The following HMG20B variants were observed in gnomAD, a reference collection of about 807,000 sequenced individuals.
HMG20B encodes SWI/SNF-related matrix-associated actin-dependent regulator of chromatin subfamily E member 1-related.
HMG20B carries 24 observed loss-of-function variants against 41.6 expected under a neutral mutation model. The observed-to-expected ratio is 0.58, with a 90% CI of 0.42 to 0.81. The LOEUF is 0.81. HMG20B is among the 30% of genes least tolerant of loss of function. The pLI, the probability that HMG20B is intolerant of heterozygous loss-of-function variation, is 0.00. For synonymous variants in HMG20B, 251 were observed against 186.6 expected, an observed-to-expected ratio of 1.34 and a Z score of -2.81; for missense variants, 461 against 444.0, an observed-to-expected ratio of 1.04 and a Z score of -0.34.
At chr19:3,573,135 G>A in intron 1 of HMG20B, 141 bp downstream of exon 1, 1 of 560,416 alleles carries the variant, frequency 1.8e-6, no homozygotes, top group Non-Finnish European at 3.0e-6. Context: ...AGGATTCTTG[G>A]GGCGCCCGCC....
At position 3,573,346 on chromosome 19, in the gene HMG20B, G is replaced by C. The variant is rs2032082550; in HGVS notation, c.37G>C (p.Ala13Pro). ...HGPKQPGAAAAPAGGKAPGQH... is the reference protein window; with the variant it reads ...HGPKQPGAAAPPAGGKAPGQH... The stretch of plus-strand genomic sequence containing the variant: ...CCCCAAGCAGCCCGGCGCGGCCGCC[G>C]CGTGAGTGCACTGATCCCCTCCCCA... The change falls in exon 2 of 10, where the codon GCG becomes CCG. Residue 13 changes from alanine (A) to proline (P), a missense_variant and splice_region_variant. Coordinates refer to ENST00000333651, the MANE Select transcript of HMG20B (RefSeq NM_006339.3). The C allele has an allele frequency of 6.5e-7, 1 of 1,536,658 alleles. No homozygotes were observed. Among genetic ancestry groups the C allele is most frequent in the Non-Finnish European group, 8.7e-7 (1 of 1,143,896 alleles).
intron 5 of HMG20B, 60 bp downstream of exon 5, chr19:3,575,720 G>A: frequency 6.8e-7 from 1 of 1,467,056 alleles, no homozygotes; most frequent in Non-Finnish European, 9.3e-7. Flanking sequence ...GGAGGCCGAG[G>A]CGGGTGTATC....
intron 6 of HMG20B, 80 bp from the exon 7 acceptor site, chr19:3,576,473 C>T: frequency 2.1e-6 from 3 of 1,400,558 alleles, no homozygotes; most frequent in Non-Finnish European, 2.0e-6. Flanking sequence ...CCCAGGAGAC[C>T]CTCCTAGGCT....
At position 3,575,668 on chromosome 19, in the gene HMG20B, G is replaced by T; in HGVS notation, c.472+8G>T. 1 of 1,549,374 alleles carries T rather than the reference G, an allele frequency of 6.5e-7. No homozygotes were observed. The highest frequency in any genetic ancestry group is 8.7e-7 in the Non-Finnish European group (1 of 1,146,458). The stretch of plus-strand genomic sequence containing the variant: ...AGAAGAAGATCAAGAAAGGTGGGAG[G>T]GGTCGGGCGCGGTGGCTCACGCCTG... On this transcript the variant is annotated splice_region_variant and intron_variant, in intron 5 of 9. Coordinates refer to ENST00000333651, the MANE Select transcript of HMG20B (RefSeq NM_006339.3).
intron 5 of HMG20B, 194 bp downstream of exon 5, chr19:3,575,854 G>C: frequency 1.9e-6 from 1 of 513,212 alleles, no homozygotes; most frequent in Admixed American, 3.2e-5. Flanking sequence ...TGAGGCAGGA[G>C]AATTGCTTGA....
chr19:3,578,298 G>C, intron 9 of HMG20B, 185 bp downstream of exon 9: 1 of 1,134,972 alleles, frequency 8.8e-7, no homozygotes, highest in Non-Finnish European at 1.2e-6. Context: ...GAGAACCCCG[G>C]GCCGGCGGGA....
chr19:3,574,812 G>A (rs1039062591), intron 4 of HMG20B, among the ~76,000 whole-genome samples: 1 of 150,998 alleles, frequency 6.6e-6, no homozygotes, highest in African/African-American at 2.4e-5. Context: ...TCCGCCTCCC[G>A]GCTTCAAGCA....
At chr19:3,578,215 G>A in intron 9 of HMG20B, 102 bp downstream of exon 9, 1 of 1,473,168 alleles carries the variant, frequency 6.8e-7, no homozygotes, top group Non-Finnish European at 9.2e-7. Flanking sequence ...GGACTCCGCA[G>A]CTTACTAGAG....
intron 9 of HMG20B, 159 bp from the exon 10 acceptor site, chr19:3,578,350 T>C: frequency 1.7e-6 from 2 of 1,209,034 alleles, no homozygotes; most frequent in South Asian, 3.2e-5. Flanking sequence ...CTTCTCAGGG[T>C]GGATCCCAGC....
At chr19:3,576,852 A>C in intron 7 of HMG20B, 40 bp from the exon 8 acceptor site, 1 of 1,545,106 alleles carries the variant, frequency 6.5e-7, no homozygotes, top group Non-Finnish European at 8.7e-7. Context: ...GGTAGGGGAA[A>C]GGGGAGGCGC....
At position 3,578,817 on chromosome 19, in the gene HMG20B, C is replaced by G. The variant is rs2032232546; in HGVS notation, c.*296C>G. On this transcript the variant is annotated 3_prime_UTR_variant, in exon 10 of 10. Transcript: ENST00000333651. ...CTACACTGGCTCTCCGGGCCACCCC[C>G]AGGACACAGGGCAGACGAAACCCAC... 1.4e-6 allele frequency: 1 copy of G among 696,230 alleles called. No homozygotes were observed. The highest frequency in any genetic ancestry group is 2.6e-6 in the Non-Finnish European group (1 of 378,792). The allele number at this position is 696,230 out of a possible 1,614,324, so 43.1% of individuals were successfully genotyped here.
chr19:3,578,379 C>A, intron 9 of HMG20B, 130 bp from the exon 10 acceptor site: 1 of 1,335,648 alleles, frequency 7.5e-7, no homozygotes, highest in South Asian at 1.5e-5. Context: ...TAGATAGGTT[C>A]AACGCCTGTC....
At chr19:3,576,489 C>T in intron 6 of HMG20B, 64 bp from the exon 7 acceptor site, 1 of 1,482,134 alleles carries the variant, frequency 6.7e-7, no homozygotes, top group Non-Finnish European at 9.4e-7. Flanking sequence ...AGGCTTGGGG[C>T]ACACCCAGAG....
At chr19:3,576,800 A>G (rs1003188918) in intron 7 of HMG20B, 92 bp from the exon 8 acceptor site, 4 of 1,423,562 alleles carry the variant, frequency 2.8e-6, no homozygotes, top group Non-Finnish European at 3.9e-6. Flanking sequence ...GGGCGCAGTG[A>G]GGGAAACCTG....
chr19:3,578,301 C>A, intron 9 of HMG20B, 188 bp downstream of exon 9: 1 of 1,122,116 alleles, frequency 8.9e-7, no homozygotes, highest in Non-Finnish European at 1.2e-6. Context: ...AACCCCGGGC[C>A]GGCGGGACCC....
rs1238511475 is a variant in HMG20B, at chr19:3,573,818, G to A, written c.147+18G>A. 1 of 1,585,444 alleles carries A rather than the reference G, an allele frequency of 6.3e-7. No individual in the cohort carries two copies. The highest frequency in any genetic ancestry group is 1.8e-5 in the Admixed American group (1 of 56,860). The stretch of plus-strand genomic sequence containing the variant: ...AGGAGGAGGTGAGAGTCCCTGCGCT[G>A]AGCTGGGGGAGGCCCCGGGCTCCCG... On this transcript the variant is annotated intron_variant, in intron 3 of 9. Transcript: ENST00000333651.
rs534198118 is a variant in HMG20B, at chr19:3,578,481, C to A, written c.942-28C>A. ...TGGGGGCCAGAGATGATGAGGGCCT[C>A]ATCCCGGGCCCTCCTCTCTCGTTTC... On this transcript the variant is annotated intron_variant, in intron 9 of 9. Transcript: ENST00000333651. 159 of 1,512,586 alleles carry A rather than the reference C, an allele frequency of 1.1e-4. 1 individual carries two copies. The South Asian group carries it at 1.9e-3, about 18-fold the overall frequency. 93.7% of individuals were successfully genotyped at this position (1,512,586 alleles called of 1,614,324 possible).
At position 3,577,169 on chromosome 19, in the gene HMG20B, C is replaced by CCCT. The variant is rs1171911975; in HGVS notation, c.808+68_808+70dup. 5.1e-6 allele frequency: 6 copies of CCCT among 1,165,578 alleles called. No individual in the cohort carries two copies. The African/African-American group carries it at 6.6e-5, about 13-fold the overall frequency. The allele number at this position is 1,165,578 out of a possible 1,614,324, so 72.2% of individuals were successfully genotyped here. ...CACCCGGCCCCGCCCGCCTCCCCCC[C>CCCT]CCTCCTCCCTTCCCCCCTTCCCCTG... is the stretch of plus-strand genomic sequence containing the variant. On this transcript the variant is annotated intron_variant, in intron 8 of 9. Transcript: ENST00000333651.
Position 3,578,554 on chromosome 19 carries a change from C to A in HMG20B, c.*33C>A. 1 of 1,562,934 alleles carries A rather than the reference C, an allele frequency of 6.4e-7. No homozygotes were observed. Among genetic ancestry groups the A allele is most frequent in the Non-Finnish European group, 8.7e-7 (1 of 1,154,824 alleles). On this transcript the variant is annotated 3_prime_UTR_variant, in exon 10 of 10. Transcript: ENST00000333651. ...GCGGGCCCACGATGCAGAGGAGAAGCTGTGGGCGCGGCCCTGCCACACCCC... is the reference window on the plus strand; with the variant it reads ...GCGGGCCCACGATGCAGAGGAGAAGATGTGGGCGCGGCCCTGCCACACCCC...
Sources: gnomAD v4.1 joint callset for allele counts (sites outside exome capture counted in the v4.1 genomes callset) on GRCh38, gnomAD v4.1.1 for gene constraint, MANE v1.5 for transcripts, NCBI Gene and HGNC (gene_info 2026-07-23, HGNC 2026-07-21) for gene names.